Variants in CCDC88A observed in about 807,000 individuals in gnomAD.
CCDC88A encodes coiled-coil and HOOK domain protein 88A.
In CCDC88A, 54 loss-of-function variants were observed where a neutral mutation model predicts 234.3. That is an observed-to-expected ratio of 0.23 (90% CI 0.19 to 0.29). CCDC88A has a LOEUF of 0.29. Ranked by LOEUF, CCDC88A falls within the 10% of genes least tolerant of loss-of-function variation. The pLI is 1.00. For missense variants in CCDC88A, 1,832 were observed against 2,123.4 expected (o/e 0.86, Z 2.70); for synonymous variants, 753 against 737.8 (o/e 1.02, Z -0.33).
At chr2:55,294,487 GAATT>G in intron 31 of CCDC88A, 1 of 904,666 alleles carries the variant, frequency 1.1e-6, no homozygotes, top group South Asian at 5.1e-5. Flanking sequence ...ATAAAGTGTT[GAATT>G]ATTAACTATT....
At chr2:55,343,921 C>A (rs1668792335) in intron 11 of CCDC88A, 129 bp from the exon 12 acceptor site, 5 of 784,692 alleles carry the variant, frequency 6.4e-6, no homozygotes, top group Non-Finnish European at 9.6e-6. Context: ...TTAAATTTTT[C>A]AGTTTTGAAG....
Position 55,312,543 on chromosome 2 carries a change from T to A in CCDC88A, c.3970A>T (p.Asn1324Tyr). 6.2e-7 allele frequency: 1 copy of A among 1,610,240 alleles called. No homozygotes were observed. Among genetic ancestry groups the A allele is most frequent in the Non-Finnish European group, 8.5e-7 (1 of 1,178,256 alleles). The change falls in exon 23 of 33, where the codon AAT (asparagine) becomes TAT (tyrosine). Residue 1324 changes from asparagine (N) to tyrosine (Y), a missense_variant. Around this residue, in one of 6 missense-constraint regions of CCDC88A, gnomAD observed 1,282 missense variants for 1,543.6 expected, o/e 0.83. Transcript: ENST00000436346. Reference sequence around the variant, plus strand: ...TGAATTTGATCTAGTAGATGCCGATTTTCTTCTTCTAAATTTCCTTTAAGT... The same window carrying A: ...TGAATTTGATCTAGTAGATGCCGATATTCTTCTTCTAAATTTCCTTTAAGT... ...SQLKGNLEEENRHLLDQIQTL... is the reference protein window; with the variant it reads ...SQLKGNLEEEYRHLLDQIQTL...
intron 3 of CCDC88A, among the ~76,000 whole-genome samples, chr2:55,385,125 T>G (rs1167848160): frequency 1.3e-5 from 2 of 151,956 alleles, no homozygotes; most frequent in African/African-American, 4.8e-5. Flanking sequence ...CCCCCACCAC[T>G]GCCACTACTA....
At position 55,295,614 on chromosome 2, in the gene CCDC88A, T is replaced by C. The variant is rs766387202; in HGVS notation, c.5534A>G (p.Asn1845Ser). Residue 1845 changes from asparagine to serine, a missense_variant, in exon 31 of 33, where the codon AAC becomes AGC. By Grantham distance (46) the Asn-to-Ser change is conservative. Transcript: ENST00000436346. Reference protein sequence around the residue: ...VDSPPAAADSNTTAASNVDKV... With the variant: ...VDSPPAAADSSTTAASNVDKV... ...GTACTCACTAGATGCTGCAGTGGTG[T>C]TGCTGTCAGCAGCAGCTGGTGGTGA... 3.1e-6 allele frequency: 5 copies of C among 1,614,094 alleles called. No homozygotes were observed. In the Admixed American group the frequency reaches 8.3e-5, roughly 27 times the overall value.
At chr2:55,374,956 T>A (rs1294498052) in intron 3 of CCDC88A, 73 bp from the exon 4 acceptor site, 2 of 903,474 alleles carry the variant, frequency 2.2e-6, no homozygotes, top group African/African-American at 3.2e-5. Flanking sequence ...CTATAACTTA[T>A]GATTTGTACA....
At chr2:55,385,854 A>C (rs6705107) in intron 3 of CCDC88A, among the ~76,000 whole-genome samples, 1,254 of 9,090 alleles carry the variant, frequency 0.14, 197 homozygotes, top group Non-Finnish European at 0.26. Context: ...CTCCATGTCA[A>C]AAAAAAAAAA....
chr2:55,393,264 T>C (rs1229633964), intron 2 of CCDC88A, among the ~76,000 whole-genome samples: 13 of 149,652 alleles, frequency 8.7e-5, no homozygotes, highest in African/African-American at 2.5e-5. Flanking sequence ...AACAGGAATA[T>C]AGAGTTTTGA....
At chr2:55,327,092 T>C (rs1276016608) in intron 17 of CCDC88A, among the ~76,000 whole-genome samples, 1 of 152,210 alleles carries the variant, frequency 6.6e-6, no homozygotes, top group Non-Finnish European at 1.5e-5. Context: ...GACACAGTTC[T>C]AAAATTTATT....
At chr2:55,369,265 C>T (rs1672472863) in intron 5 of CCDC88A, among the ~76,000 whole-genome samples, 1 of 152,040 alleles carries the variant, frequency 6.6e-6, no homozygotes, top group South Asian at 2.1e-4. Flanking sequence ...GAACTCCTGA[C>T]CTCAGGTGAT....
intron 8 of CCDC88A, among the ~76,000 whole-genome samples, chr2:55,352,220 G>A (rs1428507765): frequency 2.0e-5 from 3 of 151,790 alleles, no homozygotes; most frequent in Admixed American, 6.6e-5. Context: ...TCAGAAGGTC[G>A]GGAGCTCAAG....
At chr2:55,395,581 TAAATAA>T (rs1237409109) in intron 2 of CCDC88A, among the ~76,000 whole-genome samples, 5 of 152,198 alleles carry the variant, frequency 3.3e-5, no homozygotes, top group African/African-American at 1.2e-4. Context: ...ATTGTCTGAA[TAAATAA>T]AAATAAGAAT....
intron 31 of CCDC88A, chr2:55,294,513 G>T: frequency 1.0e-6 from 1 of 961,620 alleles, no homozygotes; most frequent in Non-Finnish European, 1.2e-6. Context: ...CTTTAAAACA[G>T]GACAGATGGC....
rs780979479 is a variant in CCDC88A, at chr2:55,374,888, A to G, written c.274-5T>C. The G allele has an allele frequency of 1.3e-6, 2 of 1,586,914 alleles. No individual in the cohort carries two copies. Among genetic ancestry groups the G allele is most frequent in the South Asian group, 1.1e-5 (1 of 89,318 alleles). The stretch of plus-strand genomic sequence containing the variant: ...GATCAATTGCTGCAAAGTCTCCTGT[A>G]AAAAAATATCCAACACTTGTTATAT... On this transcript the variant is annotated splice_region_variant and splice_polypyrimidine_tract_variant and intron_variant, in intron 3 of 32. Transcript: ENST00000436346.
Position 55,419,514 on chromosome 2 carries a change from C to G in CCDC88A, c.-435G>C. The G allele has an allele frequency of 6.2e-6, 1 of 162,042 alleles. No homozygotes were observed. Among genetic ancestry groups the G allele is most frequent in the Non-Finnish European group, 1.3e-5 (1 of 74,134 alleles). The allele number at this position is 162,042 out of a possible 1,614,324, so 10.0% of individuals were successfully genotyped here. A position where few individuals can be genotyped will look rare whatever the true frequency, so the allele number is the denominator to read the frequency against. ...TAAACAGAGACCACGTTAAGGATAC[C>G]GAGGCGCCACCAGACTCGACCTCGG... On this transcript the variant is annotated 5_prime_UTR_variant, in exon 1 of 33. Coordinates refer to ENST00000436346, the MANE Select transcript of CCDC88A (RefSeq NM_001365480.1).
intron 17 of CCDC88A, chr2:55,323,627 T>A (rs1055570906): frequency 6.6e-6 from 1 of 152,208 alleles, no homozygotes; most frequent in Non-Finnish European, 1.5e-5. Context: ...GAATTTCCCA[T>A]GAGGTCCTTA....
chr2:55,292,296 AT>A (rs1679521732), intron 31 of CCDC88A: 1 of 152,264 alleles, frequency 6.6e-6, no homozygotes, highest in Admixed American at 6.5e-5. Flanking sequence ...CAGCTTCATC[AT>A]TTATAAAATT....
At chr2:55,400,601 A>T (rs1414713635) in intron 2 of CCDC88A, among the ~76,000 whole-genome samples, 1 of 152,276 alleles carries the variant, frequency 6.6e-6, no homozygotes, top group Admixed American at 6.5e-5. Flanking sequence ...AGGAAAAAAG[A>T]TGAAGTTAAA....
In CCDC88A at chr2:55,363,905, C is replaced by T. The variant is rs57881863; in HGVS notation, c.486+45G>A. 3.1e-4 allele frequency: 330 copies of T among 1,059,454 alleles called. 1 individual carries two copies. In the African/African-American group the frequency reaches 4.2e-3, roughly 14 times the overall value. The allele number at this position is 1,059,454 out of a possible 1,614,324, so 65.6% of individuals were successfully genotyped here. On this transcript the variant is annotated intron_variant, in intron 6 of 32. Transcript: ENST00000436346. ...TTAGGAGATAGACAAATAAACACAC[C>T]ACAAGCTTCATAAATAGCACGTAAA...
chr2:55,367,318 T>C (rs1672121548), intron 5 of CCDC88A, among the ~76,000 whole-genome samples: 1 of 152,062 alleles, frequency 6.6e-6, no homozygotes, highest in Non-Finnish European at 1.5e-5. Flanking sequence ...TTCAGATGGA[T>C]GGTGGTAATG....
Sources: allele counts gnomAD v4.1 joint callset (sites outside exome capture counted in the v4.1 genomes callset), GRCh38; gene constraint gnomAD v4.1.1; regional missense constraint gnomAD v4.1.1; transcripts MANE v1.5; gene names NCBI Gene and HGNC (gene_info 2026-07-23, HGNC 2026-07-21).